Variants in TRAF3 observed in about 807,000 individuals in gnomAD.
TRAF3 encodes TNF receptor associated factor 3.
A neutral mutation model predicts 62.3 loss-of-function variants in TRAF3; 13 were observed. The ratio of observed to expected loss-of-function variants is 0.21; its 90% CI spans 0.14 to 0.33. The LOEUF (loss-of-function observed/expected upper bound fraction) is 0.33. TRAF3 is among the 10% of genes least tolerant of loss of function. TRAF3 has a pLI of 1.00. For synonymous variants in TRAF3, 269 were observed against 283.4 expected, an observed-to-expected ratio of 0.95 and a Z score of 0.51; for missense variants, 440 against 741.8, an observed-to-expected ratio of 0.59 and a Z score of 4.73.
At chr14:102,840,618 C>T (rs955594722) in intron 2 of TRAF3, among the ~76,000 whole-genome samples, 7 of 152,088 alleles carry the variant, frequency 4.6e-5, no homozygotes, top group African/African-American at 1.4e-4. Flanking sequence ...ACACCATTAT[C>T]GATATTATAT....
chr14:102,869,708 AGGCAGGAGAAT>A (rs1171101675), intron 2 of TRAF3, among the ~76,000 whole-genome samples: 1 of 151,602 alleles, frequency 6.6e-6, no homozygotes, highest in African/African-American at 2.4e-5. Context: ...CGGGAGGCTG[AGGCAGGAGAAT>A]GGCATGAACC....
intron 1 of TRAF3, among the ~76,000 whole-genome samples, chr14:102,783,019 G>A (rs544561080): frequency 1.1e-4 from 16 of 152,320 alleles, no homozygotes; most frequent in African/African-American, 3.8e-4. Flanking sequence ...TGTTCTGGAA[G>A]GTTAATGCCC....
At chr14:102,795,658 A>G (rs1898043022) in intron 1 of TRAF3, among the ~76,000 whole-genome samples, 2 of 150,934 alleles carry the variant, frequency 1.3e-5, no homozygotes, top group Admixed American at 6.7e-5. Context: ...CATAAGTCCC[A>G]TAGCCCTTGT....
At chr14:102,885,153 A>G (rs2139910320) in intron 6 of TRAF3, among the ~76,000 whole-genome samples, 1 of 152,326 alleles carries the variant, frequency 6.6e-6, no homozygotes, top group East Asian at 1.9e-4. Context: ...AAACATGCCG[A>G]GGAAAGCAAG....
intron 2 of TRAF3, among the ~76,000 whole-genome samples, chr14:102,868,913 G>C (rs1595377647): frequency 1.3e-5 from 2 of 152,208 alleles, no homozygotes; most frequent in African/African-American, 4.8e-5. Flanking sequence ...CTTATTTTGA[G>C]GAGCTGTTTA....
intron 10 of TRAF3, 63 bp downstream of exon 10, chr14:102,897,464 G>C (rs1595407608): frequency 2.5e-6 from 4 of 1,598,430 alleles, no homozygotes; most frequent in Middle Eastern, 1.7e-4. Context: ...TTCCCCTTAA[G>C]GGTTTCTTAG....
At chr14:102,874,288 ACT>A (rs1888514731) in intron 4 of TRAF3, among the ~76,000 whole-genome samples, 1 of 151,962 alleles carries the variant, frequency 6.6e-6, no homozygotes, top group Admixed American at 6.6e-5. Context: ...ACAGAGTCTC[ACT>A]CTCTTGCCCA....
chr14:102,888,860 T>C (rs1307567671), intron 7 of TRAF3, among the ~76,000 whole-genome samples: 3 of 152,240 alleles, frequency 2.0e-5, no homozygotes, highest in African/African-American at 7.2e-5. Flanking sequence ...AATTTTTATT[T>C]GATAACTCAC....
At chr14:102,818,606 C>G (rs940936736) in intron 1 of TRAF3, among the ~76,000 whole-genome samples, 4 of 152,164 alleles carry the variant, frequency 2.6e-5, no homozygotes, top group Admixed American at 1.3e-4. Flanking sequence ...TTGACCAGTA[C>G]CTCTCCTTTC....
intron 9 of TRAF3, among the ~76,000 whole-genome samples, chr14:102,894,147 T>G (rs1053962057): frequency 6.6e-6 from 1 of 152,008 alleles, no homozygotes; most frequent in Non-Finnish European, 1.5e-5. Flanking sequence ...GGCAACACGG[T>G]GAAACCCCGT....
intron 2 of TRAF3, among the ~76,000 whole-genome samples, chr14:102,867,905 G>A (rs947910117): frequency 1.3e-5 from 2 of 152,292 alleles, no homozygotes; most frequent in Non-Finnish European, 2.9e-5. Context: ...TGGCTAGAAC[G>A]CCAGTTCATC....
chr14:102,823,202 T>C (rs1900089559), intron 1 of TRAF3, among the ~76,000 whole-genome samples: 1 of 152,156 alleles, frequency 6.6e-6, no homozygotes, highest in Non-Finnish European at 1.5e-5. Flanking sequence ...TCCACCATCA[T>C]TTAGTTGTTT....
rs372830596 is a variant in TRAF3, at chr14:102,872,043, G to A, written c.297+75G>A. 10 of 1,455,216 alleles carry A rather than the reference G, an allele frequency of 6.9e-6. No individual in the cohort carries two copies. In the East Asian group the frequency reaches 9.1e-5, roughly 13 times the overall value. 90.1% of individuals were successfully genotyped at this position (1,455,216 alleles called of 1,614,324 possible). A position where few individuals can be genotyped will look rare whatever the true frequency, so the allele number is the denominator to read the frequency against. On this transcript the variant is annotated intron_variant, in intron 4 of 11. Transcript: ENST00000392745. ...AATACTTTTCACATAGTTTGCATTC[G>A]GCACTCTGGCACAACACATTCTCTC...
At chr14:102,856,236 C>G (rs1286943898) in intron 2 of TRAF3, among the ~76,000 whole-genome samples, 2 of 152,024 alleles carry the variant, frequency 1.3e-5, no homozygotes, top group Non-Finnish European at 2.9e-5. Flanking sequence ...AATGGCTATT[C>G]CATAGGCAGA....
chr14:102,817,999 G>A (rs184496118), intron 1 of TRAF3, among the ~76,000 whole-genome samples: 1 of 152,202 alleles, frequency 6.6e-6, no homozygotes, highest in Non-Finnish European at 1.5e-5. Context: ...AGGCTGGAGA[G>A]GGGTGGGGAG....
chr14:102,869,690 C>T (rs1888213681), intron 2 of TRAF3, among the ~76,000 whole-genome samples: 1 of 151,592 alleles, frequency 6.6e-6, no homozygotes, highest in South Asian at 2.1e-4. Flanking sequence ...CCTGTAGTCT[C>T]AGCTACTCGG....
chr14:102,853,169 G>A (rs534709307), intron 2 of TRAF3, among the ~76,000 whole-genome samples: 49 of 152,230 alleles, frequency 3.2e-4, no homozygotes, highest in Non-Finnish European at 6.2e-4. Context: ...CTAAAGTGCT[G>A]GGATTACAGG....
chr14:102,789,559 A>G (rs1398058717), intron 1 of TRAF3, among the ~76,000 whole-genome samples: 1 of 152,000 alleles, frequency 6.6e-6, no homozygotes, highest in Non-Finnish European at 1.5e-5. Flanking sequence ...CTTCATTTGA[A>G]TACCCAATCA....
chr14:102,888,424 G>T (rs916817471), intron 7 of TRAF3, among the ~76,000 whole-genome samples: 1 of 152,144 alleles, frequency 6.6e-6, no homozygotes, highest in Admixed American at 6.5e-5. Context: ...TTCCCGCAGT[G>T]TCCCTCCTCC....
Sources: allele counts gnomAD v4.1 joint callset (sites outside exome capture counted in the v4.1 genomes callset), GRCh38; gene constraint gnomAD v4.1.1; transcripts MANE v1.5; gene names NCBI Gene and HGNC (gene_info 2026-07-23, HGNC 2026-07-21).